The following ZNF519 variants were observed in gnomAD, a reference collection of about 807,000 sequenced individuals.
The protein encoded by ZNF519 is similar to Zinc finger protein 85 (Zinc finger protein HPF4) (HTF1).
ZNF519 carries 7 observed loss-of-function variants against 7.4 expected under a neutral mutation model. That is an observed-to-expected ratio of 0.94 (90% confidence interval 0.54 to 1.77). The LOEUF (loss-of-function observed/expected upper bound fraction) is 1.77, where lower values mean the gene tolerates loss of function less well. ZNF519 is among the 40% of genes most tolerant of loss of function. The pLI is 0.00. For missense variants in ZNF519, 586 were observed against 623.1 expected, an observed-to-expected ratio of 0.94 and a Z score of 0.63; for synonymous variants, 179 against 203.3, an observed-to-expected ratio of 0.88 and a Z score of 1.02.
intron 2 of ZNF519, among the ~76,000 whole-genome samples, chr18:14,115,218 G>A (rs1398742669): frequency 6.6e-6 from 1 of 152,198 alleles, no homozygotes; most frequent in Non-Finnish European, 1.5e-5. Flanking sequence ...GTACAACCAG[G>A]AGAAACTCCC....
intron 1 of ZNF519, among the ~76,000 whole-genome samples, chr18:14,128,278 G>A (rs1486238375): frequency 1.5e-5 from 2 of 137,636 alleles, no homozygotes; most frequent in Non-Finnish European, 3.1e-5. Flanking sequence ...GGGCGACAGA[G>A]CGAGACTCTC....
At chr18:14,074,737 G>C (rs775350636), downstream of ZNF519, 1 of 152,162 alleles carries the variant, frequency 6.6e-6, no homozygotes, top group Non-Finnish European at 1.5e-5. Flanking sequence ...CATTCAACAA[G>C]TCTCTAGGAA....
intron 1 of ZNF519, among the ~76,000 whole-genome samples, chr18:14,131,940 G>C (rs73958146): frequency 0.012 from 1,815 of 152,296 alleles, 47 homozygotes; most frequent in African/African-American, 0.041. Context: ...TTCCGAACAG[G>C]GTAAGGTAGG....
intron 2 of ZNF519, among the ~76,000 whole-genome samples, chr18:14,117,145 G>A (rs1004900354): frequency 5.3e-5 from 8 of 151,994 alleles, no homozygotes; most frequent in Non-Finnish European, 8.8e-5. Context: ...ATCTCTGCAC[G>A]CTAAACATTT....
In ZNF519 at chr18:14,110,419, A is replaced by G. The variant is rs184728921; in HGVS notation, c.131-4010T>C. 1.1e-3 allele frequency among the ~76,000 whole-genome samples: 170 copies of G among 152,328 alleles called. 1 individual carries two copies. The highest frequency in any genetic ancestry group is 3.9e-3 in the African/African-American group (164 of 41,572). ...AGCAGAGTACATAGACAACCCACAG[A>G]GTAGCAGAAAATATTTGCAAACTAC... is the stretch of plus-strand genomic sequence containing the variant. On this transcript the variant is annotated intron_variant, in intron 2 of 2. Coordinates refer to ENST00000590202, the MANE Select transcript of ZNF519 (RefSeq NM_145287.4).
chr18:14,097,837 A>G (rs1046165341), downstream of ZNF519, among the ~76,000 whole-genome samples: 5 of 152,168 alleles, frequency 3.3e-5, no homozygotes, highest in Non-Finnish European at 7.4e-5. Flanking sequence ...GTTTGTGTGT[A>G]TATGTATGTT....
chr18:14,083,210 CGTG>C (rs948022859), intron 3 of ZNF519, among the ~76,000 whole-genome samples: 7 of 152,102 alleles, frequency 4.6e-5, no homozygotes, highest in Admixed American at 3.9e-4. Flanking sequence ...ATCAGCCGGG[CGTG>C]GTGATGTGCA....
downstream of ZNF519, among the ~76,000 whole-genome samples, chr18:14,097,007 G>A (rs940867919): frequency 1.3e-5 from 2 of 152,056 alleles, no homozygotes; most frequent in African/African-American, 4.8e-5. Context: ...GCTTATATAC[G>A]AGTTGAGTGA....
At chr18:14,072,280 G>A (rs1200261086), downstream of ZNF519, 1 of 152,160 alleles carries the variant, frequency 6.6e-6, no homozygotes, top group Non-Finnish European at 1.5e-5. Context: ...TTAAGTTACA[G>A]TAGCAAGATA....
chr18:14,078,743 A>G (rs535618575), intron 3 of ZNF519, among the ~76,000 whole-genome samples: 93 of 152,166 alleles, frequency 6.1e-4, no homozygotes, highest in African/African-American at 2.1e-3. Context: ...ATGCAAGTAG[A>G]TTCAGCATTT....
chr18:14,107,327 G>T (rs772935532), intron 2 of ZNF519, among the ~76,000 whole-genome samples: 1 of 152,160 alleles, frequency 6.6e-6, no homozygotes, highest in Non-Finnish European at 1.5e-5. Flanking sequence ...CTAGGTACAT[G>T]CTGGGCCAGA....
At chr18:14,098,548 T>C (rs779555391), downstream of ZNF519, among the ~76,000 whole-genome samples, 2 of 152,052 alleles carry the variant, frequency 1.3e-5, no homozygotes, top group Non-Finnish European at 2.9e-5. Context: ...TGTTAATCTC[T>C]CAGGATAGCA....
chr18:14,126,271 T>A (rs2046299136), intron 1 of ZNF519, among the ~76,000 whole-genome samples: 1 of 152,206 alleles, frequency 6.6e-6, no homozygotes, highest in Non-Finnish European at 1.5e-5. Flanking sequence ...GAAATCTGAT[T>A]TTCAGAGTTT....
rs746523083 is a variant in ZNF519, at chr18:14,124,408, G to C, written c.72C>G (p.Ala24=). The change falls in exon 2 of 3, where the codon GCC becomes GCG. Residue 24 remains alanine (A), a synonymous_variant. Coordinates refer to ENST00000590202, the MANE Select transcript of ZNF519 (RefSeq NM_145287.4). ...TCACATCTCTATATAAATTCTGTTG[G>C]GCAGGGTCTAGGCATTTCCACTCTT... is the stretch of plus-strand genomic sequence containing the variant. ...SPEEWKCLDP[A]QQNLYRDVML... 1 of 1,612,832 alleles carries C rather than the reference G, an allele frequency of 6.2e-7. No individual in the cohort carries two copies. The highest frequency in any genetic ancestry group is 8.5e-7 in the Non-Finnish European group (1 of 1,179,698).
chr18:14,131,370 G>C (rs2046329040), intron 1 of ZNF519, among the ~76,000 whole-genome samples: 1 of 152,202 alleles, frequency 6.6e-6, no homozygotes, highest in Non-Finnish European at 1.5e-5. Flanking sequence ...GACAAAAACA[G>C]TTGATAATGT....
At position 14,123,500 on chromosome 18, in the gene ZNF519, C is replaced by T. The variant is rs150388132; in HGVS notation, c.130+850G>A. The stretch of plus-strand genomic sequence containing the variant: ...TTGAGAGGCCGAGGCAGGAGGACTG[C>T]CTGAGCTCAGGAGTTCAAGATCAGC... On this transcript the variant is annotated intron_variant, in intron 2 of 2. Coordinates refer to ENST00000590202, the MANE Select transcript of ZNF519 (RefSeq NM_145287.4). Among the ~76,000 whole-genome samples the T allele has an allele frequency of 8.1e-4, 123 of 152,274 alleles. 1 individual carries two copies. The highest frequency in any genetic ancestry group is 6.8e-3 in the Middle Eastern group (2 of 294).
At chr18:14,109,117 CAAAA>C (rs1394519344) in intron 2 of ZNF519, among the ~76,000 whole-genome samples, 1 of 117,342 alleles carries the variant, frequency 8.5e-6, no homozygotes. Flanking sequence ...AACTCCGTCT[CAAAA>C]AAAAAAAAAA....
intron 2 of ZNF519, among the ~76,000 whole-genome samples, chr18:14,088,364 C>A (rs1262817720): frequency 6.6e-6 from 1 of 152,156 alleles, no homozygotes; most frequent in Non-Finnish European, 1.5e-5. Context: ...TTCCCCTGAT[C>A]AATAACAAAA....
intron 2 of ZNF519, among the ~76,000 whole-genome samples, chr18:14,115,845 GTAGT>G (rs1391599175): frequency 1.3e-5 from 2 of 152,146 alleles, no homozygotes; most frequent in African/African-American, 4.8e-5. Context: ...GATACCTAAA[GTAGT>G]TAAACTCCTA....
Sources: allele counts gnomAD v4.1 joint callset (sites outside exome capture counted in the v4.1 genomes callset), GRCh38; gene constraint gnomAD v4.1.1; transcripts MANE v1.5; gene names NCBI Gene and HGNC (gene_info 2026-07-23, HGNC 2026-07-21).